FGF10: variants seen among roughly 807,000 people sequenced by gnomAD.
The protein encoded by FGF10 is fibroblast growth factor 10.
A neutral mutation model predicts 19.8 loss-of-function variants in FGF10; 2 were observed. That is an observed-to-expected ratio of 0.10 (90% CI 0.04 to 0.32). The LOEUF is 0.32. FGF10 is among the 10% of genes least tolerant of loss of function. The pLI, the probability that FGF10 is intolerant of heterozygous loss-of-function variation, is 1.00. For synonymous variants in FGF10, 112 were observed against 94.0 expected, an observed-to-expected ratio of 1.19 and a Z score of -1.10; for missense variants, 191 against 246.3, an observed-to-expected ratio of 0.78 and a Z score of 1.50.
chr5:44,362,060 C>A (rs748747214), intron 1 of FGF10, among the ~76,000 whole-genome samples: 1 of 151,588 alleles, frequency 6.6e-6, no homozygotes, highest in Non-Finnish European at 1.5e-5. Context: ...CATGCCAAAC[C>A]AGATAAAACA....
At position 44,301,905 on chromosome 5, in the gene FGF10, C is replaced by T. The variant is rs1257482919; in HGVS notation, c.*3090G>A. ...ATTGTTTTTATTTAAATGTAACATACTATACACTGTTCAGCCTTTTGCGAG... is the reference window on the plus strand; with the variant it reads ...ATTGTTTTTATTTAAATGTAACATATTATACACTGTTCAGCCTTTTGCGAG... On this transcript the variant is annotated 3_prime_UTR_variant, in exon 3 of 3. Transcript: ENST00000264664. Among the ~76,000 whole-genome samples, 1 of 152,062 alleles carries T rather than the reference C, an allele frequency of 6.6e-6. No individual in the cohort carries two copies. Among genetic ancestry groups the T allele is most frequent in the Non-Finnish European group, 1.5e-5 (1 of 68,010 alleles).
chr5:44,335,145 G>A (rs577710424), intron 1 of FGF10, among the ~76,000 whole-genome samples: 1 of 152,180 alleles, frequency 6.6e-6, no homozygotes, highest in South Asian at 2.1e-4. Flanking sequence ...AGTTATAAAT[G>A]AAATTTGGTT....
intron 1 of FGF10, among the ~76,000 whole-genome samples, chr5:44,350,603 T>C (rs1741210428): frequency 6.6e-6 from 1 of 151,148 alleles, no homozygotes; most frequent in Non-Finnish European, 1.5e-5. Context: ...GGTGTGTGTA[T>C]ATATATAATA....
intron 1 of FGF10, among the ~76,000 whole-genome samples, chr5:44,336,360 A>T (rs1320039776): frequency 6.6e-6 from 1 of 152,120 alleles, no homozygotes; most frequent in African/African-American, 2.4e-5. Flanking sequence ...TATATATTTT[A>T]TTCTCGTCTT....
intron 1 of FGF10, among the ~76,000 whole-genome samples, chr5:44,358,794 C>T (rs593324): frequency 0.98 from 148,854 of 151,596 alleles, 73,150 homozygotes; most frequent in East Asian, 1. Context: ...GTGCATATTA[C>T]CTCCGCACAT....
chr5:44,356,355 G>A (rs1741347595), intron 1 of FGF10, among the ~76,000 whole-genome samples: 1 of 151,426 alleles, frequency 6.6e-6, no homozygotes, highest in Non-Finnish European at 1.5e-5. Flanking sequence ...TCTAAAATAA[G>A]TAATTTTATT....
At chr5:44,352,964 C>T (rs757797944) in intron 1 of FGF10, among the ~76,000 whole-genome samples, 1 of 151,538 alleles carries the variant, frequency 6.6e-6, no homozygotes, top group Non-Finnish European at 1.5e-5. Context: ...TGTTGAGATA[C>T]GTTCTTAGAG....
intron 1 of FGF10, among the ~76,000 whole-genome samples, chr5:44,359,677 C>A (rs576664330): frequency 6.6e-6 from 1 of 151,458 alleles, no homozygotes; most frequent in Non-Finnish European, 1.5e-5. Flanking sequence ...ACTGTAGGGA[C>A]CTTACTGGAC....
chr5:44,357,549 G>T (rs1741377024), intron 1 of FGF10, among the ~76,000 whole-genome samples: 2 of 151,434 alleles, frequency 1.3e-5, no homozygotes, highest in African/African-American at 4.8e-5. Context: ...TAGTATCCCT[G>T]TTTTACATTT....
At chr5:44,325,435 C>T (rs4409099) in intron 1 of FGF10, among the ~76,000 whole-genome samples, 27,401 of 151,860 alleles carry the variant, frequency 0.18, 2,768 homozygotes, top group Admixed American at 0.3. Context: ...CACATGCACA[C>T]GTATGTTTAT....
intron 1 of FGF10, among the ~76,000 whole-genome samples, chr5:44,362,041 C>G (rs1022862287): frequency 6.6e-6 from 1 of 151,606 alleles, no homozygotes; most frequent in Non-Finnish European, 1.5e-5. Flanking sequence ...ACTATACTCT[C>G]TAAAAAGCCA....
At chr5:44,333,960 GTAGC>G (rs1380980050) in intron 1 of FGF10, among the ~76,000 whole-genome samples, 1 of 152,022 alleles carries the variant, frequency 6.6e-6, no homozygotes, top group Non-Finnish European at 1.5e-5. Flanking sequence ...CCCCTTCAGC[GTAGC>G]TTTCATCCTC....
intron 1 of FGF10, among the ~76,000 whole-genome samples, chr5:44,371,131 C>T (rs989307244): frequency 1.3e-5 from 2 of 152,038 alleles, no homozygotes; most frequent in African/African-American, 4.8e-5. Flanking sequence ...ATGCTCTGCC[C>T]TCATGATTGG....
Position 44,365,422 on chromosome 5 carries a change from C to T in FGF10, c.325+22936G>A, listed in dbSNP as rs867493863. 8.2e-4 allele frequency among the ~76,000 whole-genome samples: 123 copies of T among 150,874 alleles called. 2 individuals are homozygous for T. The highest frequency in any genetic ancestry group is 2.8e-3 in the African/African-American group (114 of 41,214). On this transcript the variant is annotated intron_variant, in intron 1 of 2. Coordinates refer to ENST00000264664, the MANE Select transcript of FGF10 (RefSeq NM_004465.2). ...GCTTCTTTCTTTATAAATCCTGATG[C>T]TGTAATGCTATTTAAAAATACATTT...
intron 1 of FGF10, among the ~76,000 whole-genome samples, chr5:44,352,841 C>A (rs998625164): frequency 6.6e-6 from 1 of 151,454 alleles, no homozygotes; most frequent in Non-Finnish European, 1.5e-5. Context: ...GAGATTTGAA[C>A]GAGTTAATTA....
rs1740038144 is a variant in FGF10 at position 44,304,829 on chromosome 5, A to G, written c.*166T>C. 1.1e-5 allele frequency: 7 copies of G among 664,446 alleles called. No individual in the cohort carries two copies. The highest frequency in any genetic ancestry group is 1.9e-5 in the Non-Finnish European group (7 of 371,802). 41.2% of individuals were successfully genotyped at this position (664,446 alleles called of 1,614,324 possible). The stretch of plus-strand genomic sequence containing the variant: ...ACACAGAACTAATTAAAAGAACATC[A>G]TATGTCAGCAGTGAATACAAAAACC... On this transcript the variant is annotated 3_prime_UTR_variant, in exon 3 of 3. Transcript: ENST00000264664.
At chr5:44,369,523 G>A (rs1294282986) in intron 1 of FGF10, among the ~76,000 whole-genome samples, 6 of 152,144 alleles carry the variant, frequency 3.9e-5, no homozygotes, top group Non-Finnish European at 5.9e-5. Context: ...TTACACGACT[G>A]TCATTTGGTG....
chr5:44,318,820 T>C (rs1033155373), intron 1 of FGF10, among the ~76,000 whole-genome samples: 5 of 152,180 alleles, frequency 3.3e-5, no homozygotes, highest in East Asian at 1.9e-4. Context: ...TTTTGAGATA[T>C]CTTCTATGTT....
chr5:44,331,099 C>T (rs1740726176), intron 1 of FGF10, among the ~76,000 whole-genome samples: 1 of 152,012 alleles, frequency 6.6e-6, no homozygotes, highest in Non-Finnish European at 1.5e-5. Context: ...ATGAGAAGTG[C>T]TTTTCTGTGG....
Sources: gnomAD v4.1 joint callset for allele counts (sites outside exome capture counted in the v4.1 genomes callset) on GRCh38, gnomAD v4.1.1 for gene constraint, MANE v1.5 for transcripts, NCBI Gene and HGNC (gene_info 2026-07-23, HGNC 2026-07-21) for gene names.